Variants in CHEK2 observed in about 807,000 individuals in gnomAD.
CHEK2 encodes the protein checkpoint kinase 2.
A neutral mutation model predicts 69.1 loss-of-function variants in CHEK2; 71 were observed. The observed-to-expected ratio is 1.03, with a 90% confidence interval of 0.85 to 1.25. The LOEUF (loss-of-function observed/expected upper bound fraction) is 1.25. Ranked by LOEUF, CHEK2 falls within the 50% of genes most tolerant of loss-of-function variation. The pLI is 0.00. For missense variants in CHEK2, 664 were observed against 649.6 expected, an observed-to-expected ratio of 1.02 and a Z score of -0.24; for synonymous variants, 189 against 226.9, an observed-to-expected ratio of 0.83 and a Z score of 1.50.
intron 7 of CHEK2, among the ~76,000 whole-genome samples, chr22:28,705,969 A>AAACTAAACTG: frequency 2.1e-3 from 1 of 470 alleles, no homozygotes; most frequent in South Asian, 0.25. Context: ...ACTAAACTAA[A>AAACTAAACTG]AACTAAACTA....
rs778212685 is a variant in CHEK2 at position 28,712,015 on chromosome 22, C to T, written c.686G>A (p.Gly229Asp). ...AGCCAGCTTTACCTCTCCACAGGCA[C>T]CACTAGAGGGAAAAACAAAGATAGT... is the stretch of plus-strand genomic sequence containing the variant. Reference protein sequence around the residue: ...EYIMSKTLGSGACGEVKLAFE... With the variant: ...EYIMSKTLGSDACGEVKLAFE... Residue 229 changes from glycine to aspartate, a missense_variant and splice_region_variant, in exon 6 of 15, where the codon GGT becomes GAT. By Grantham distance (94) the Gly-to-Asp change is moderately conservative. Transcript: ENST00000404276. 1 of 1,608,334 alleles carries T rather than the reference C, an allele frequency of 6.2e-7. No individual in the cohort carries two copies. The highest frequency in any genetic ancestry group is 8.5e-7 in the Non-Finnish European group (1 of 1,175,610).
chr22:28,733,169 G>A (rs764140765), intron 2 of CHEK2, among the ~76,000 whole-genome samples: 10 of 152,098 alleles, frequency 6.6e-5, no homozygotes, highest in Non-Finnish European at 1.5e-4. Flanking sequence ...TGTCAGAAAG[G>A]GTCAACATGT....
chr22:28,718,244 T>C (rs770894831), intron 5 of CHEK2, among the ~76,000 whole-genome samples: 1 of 152,160 alleles, frequency 6.6e-6, no homozygotes, highest in Non-Finnish European at 1.5e-5. Context: ...TGAAGCCTGT[T>C]AGAATGGCTA....
At chr22:28,695,031 A>C in intron 12 of CHEK2, 96 bp downstream of exon 12, 1 of 765,956 alleles carries the variant, frequency 1.3e-6, no homozygotes, top group African/African-American at 1.7e-5. Context: ...AACAGAATTG[A>C]CAGGAGAAAA....
intron 5 of CHEK2, among the ~76,000 whole-genome samples, chr22:28,716,580 T>G (rs1052580392): frequency 6.6e-6 from 1 of 152,174 alleles, no homozygotes; most frequent in African/African-American, 2.4e-5. Context: ...CTGAATTCAG[T>G]ATCAGTAAAC....
At chr22:28,721,082 T>G in intron 4 of CHEK2, among the ~76,000 whole-genome samples, 1 of 152,202 alleles carries the variant, frequency 6.6e-6, no homozygotes, top group East Asian at 1.9e-4. Context: ...ACATTACCAC[T>G]GTAAGTATCA....
chr22:28,722,134 C>T (rs1186207168), intron 4 of CHEK2, among the ~76,000 whole-genome samples: 2 of 152,056 alleles, frequency 1.3e-5, no homozygotes, highest in African/African-American at 2.4e-5. Context: ...AGGTGGCACA[C>T]AGCTTGTCAA....
chr22:28,704,220 G>A (rs1353504996), intron 7 of CHEK2, among the ~76,000 whole-genome samples: 1 of 151,472 alleles, frequency 6.6e-6, no homozygotes, highest in East Asian at 1.9e-4. Flanking sequence ...GAACACTGAG[G>A]GTAAGGAAGA....
intron 7 of CHEK2, among the ~76,000 whole-genome samples, chr22:28,706,145 A>T (rs1020531010): frequency 1.3e-5 from 2 of 151,934 alleles, no homozygotes; most frequent in African/African-American, 4.8e-5. Context: ...TACAAAAATT[A>T]TCTGAATTAG....
intron 13 of CHEK2, among the ~76,000 whole-genome samples, chr22:28,692,289 T>G (rs993096737): frequency 6.6e-6 from 1 of 152,030 alleles, no homozygotes; most frequent in Non-Finnish European, 1.5e-5. Context: ...AAAAGACATG[T>G]TTCTCTTTTT....
chr22:28,730,339 A>G lies in CHEK2; in HGVS notation c.319+4064T>C, dbSNP rs1417197587. 4 of 473,892 alleles carry G rather than the reference A, an allele frequency of 8.4e-6. No individual in the cohort carries two copies. The Admixed American group carries it at 1.4e-4, about 17-fold the overall frequency. The allele number at this position is 473,892 out of a possible 1,614,324, so 29.4% of individuals were successfully genotyped here. A position where few individuals can be genotyped will look rare whatever the true frequency, so the allele number is the denominator to read the frequency against. On this transcript the variant is annotated intron_variant, in intron 2 of 14. Coordinates refer to ENST00000404276, the MANE Select transcript of CHEK2 (RefSeq NM_007194.4). ...AGCAGAAGGGAAAGGAAAGGAAAGG[A>G]AAAAAGAAAGGGGAAAGGGGAAAGG...
Position 28,687,882 on chromosome 22 carries a change from T to C in CHEK2, c.*15A>G, listed in dbSNP as rs1253975135. The C allele has an allele frequency of 6.3e-7, 1 of 1,589,532 alleles. No individual in the cohort carries two copies. Among genetic ancestry groups the C allele is most frequent in the Non-Finnish European group, 8.5e-7 (1 of 1,173,526 alleles). On this transcript the variant is annotated 3_prime_UTR_variant, in exon 15 of 15. Coordinates refer to ENST00000404276, the MANE Select transcript of CHEK2 (RefSeq NM_007194.4). ...TGAAAGAAGGTACATTTCTTTCGTG[T>C]TCAAACCACGGAGTTCACAACACAG...
At chr22:28,691,258 T>C (rs553500655) in intron 13 of CHEK2, among the ~76,000 whole-genome samples, 1 of 152,256 alleles carries the variant, frequency 6.6e-6, no homozygotes, top group South Asian at 2.1e-4. Flanking sequence ...GGTGGGTAGA[T>C]AACCTGAGGT....
chr22:28,702,440 G>T (rs377633686), intron 8 of CHEK2, among the ~76,000 whole-genome samples: 4 of 150,678 alleles, frequency 2.7e-5, no homozygotes, highest in South Asian at 2.1e-4. Context: ...GGGTTTCACC[G>T]TGTTAGCCAG....
chr22:28,728,649 C>T (rs2054089765), intron 2 of CHEK2, among the ~76,000 whole-genome samples: 1 of 151,920 alleles, frequency 6.6e-6, no homozygotes, highest in Non-Finnish European at 1.5e-5. Context: ...CTGCAGTGAG[C>T]CAATATTGTG....
intron 2 of CHEK2, among the ~76,000 whole-genome samples, chr22:28,728,509 C>T (rs1030004574): frequency 6.6e-6 from 1 of 152,112 alleles, no homozygotes; most frequent in Non-Finnish European, 1.5e-5. Flanking sequence ...GCCTGTGCAA[C>T]ATGGCAAAAT....
At chr22:28,722,408 C>T (rs1265154766) in intron 4 of CHEK2, among the ~76,000 whole-genome samples, 1 of 151,676 alleles carries the variant, frequency 6.6e-6, no homozygotes, top group East Asian at 1.9e-4. Flanking sequence ...GGCGCAGTGG[C>T]GGGCGCCTAT....
intron 4 of CHEK2, chr22:28,724,466 A>G: frequency 4.6e-6 from 1 of 218,756 alleles, no homozygotes; most frequent in South Asian, 7.6e-5. Flanking sequence ...CATAAAACCA[A>G]TTAAACCTTA....
In CHEK2 at chr22:28,737,009, C is replaced by T. The variant is rs2054430407; in HGVS notation, c.-6-2282G>A. Among the ~76,000 whole-genome samples, 3 of 152,048 alleles carry T rather than the reference C, an allele frequency of 2.0e-5. No individual in the cohort carries two copies. In the South Asian group the frequency reaches 6.2e-4, roughly 32 times the overall value. On this transcript the variant is annotated intron_variant, in intron 1 of 14. Transcript: ENST00000404276. Reference sequence around the variant, plus strand: ...ACCAGTAAAATCAAAGTAACATCCACTGCTGACCTAATCGGATTAACAAAA... The same window carrying T: ...ACCAGTAAAATCAAAGTAACATCCATTGCTGACCTAATCGGATTAACAAAA...
Sources: allele counts gnomAD v4.1 joint callset (sites outside exome capture counted in the v4.1 genomes callset), GRCh38; gene constraint gnomAD v4.1.1; transcripts MANE v1.5; gene names NCBI Gene and HGNC (gene_info 2026-07-23, HGNC 2026-07-21).